The following FGD3 variants were observed in gnomAD, a reference collection of about 807,000 sequenced individuals.
The protein encoded by FGD3 is FYVE, RhoGEF and PH domain-containing protein 3.
FGD3 carries 45 observed loss-of-function variants against 71.8 expected under a neutral mutation model. The ratio of observed to expected loss-of-function variants is 0.63; its 90% confidence interval spans 0.49 to 0.80. FGD3 has a LOEUF of 0.80. Ranked by LOEUF, FGD3 falls within the 30% of genes least tolerant of loss-of-function variation. The pLI, the probability that FGD3 is intolerant of heterozygous loss-of-function variation, is 0.00. For missense variants in FGD3, 844 were observed against 951.5 expected, an observed-to-expected ratio of 0.89 and a Z score of 1.49; for synonymous variants, 378 against 392.8, an observed-to-expected ratio of 0.96 and a Z score of 0.44.
intron 3 of FGD3, among the ~76,000 whole-genome samples, chr9:92,980,966 A>G (rs1044268408): frequency 1.3e-5 from 2 of 149,472 alleles, no homozygotes; most frequent in African/African-American, 4.9e-5. Flanking sequence ...GCAAGACTCC[A>G]TCTCAAAAAA....
At chr9:93,007,465 C>T (rs1288359973) in intron 6 of FGD3, among the ~76,000 whole-genome samples, 2 of 152,206 alleles carry the variant, frequency 1.3e-5, no homozygotes, top group Non-Finnish European at 2.9e-5. Flanking sequence ...GCATTTCCCA[C>T]TACCCAAGAC....
At chr9:93,023,765 T>G (rs575786264) in intron 14 of FGD3, among the ~76,000 whole-genome samples, 2 of 150,252 alleles carry the variant, frequency 1.3e-5, no homozygotes, top group African/African-American at 4.9e-5. Context: ...GATAAAAATG[T>G]CTCAATGACA....
At chr9:93,030,740 T>G (rs1862322981) in intron 15 of FGD3, among the ~76,000 whole-genome samples, 1 of 147,414 alleles carries the variant, frequency 6.8e-6, no homozygotes, top group African/African-American at 2.5e-5. Context: ...AATAAGTAGA[T>G]GAGTCCTTGG....
chr9:93,015,810 TG>T lies in FGD3; in HGVS notation c.1258del (p.Asp420ThrfsTer21). 1 of 1,614,114 alleles carries T rather than the reference TG, an allele frequency of 6.2e-7. No homozygotes were observed. The highest frequency in any genetic ancestry group is 8.5e-7 in the Non-Finnish European group (1 of 1,180,004). On this transcript the variant is annotated frameshift_variant, in exon 10 of 18. Coordinates refer to ENST00000375482, the MANE Select transcript of FGD3 (RefSeq NM_001083536.2). LOFTEE classifies it high-confidence loss of function. ...CAGAAGTTCAGCGTCCGGGAGAAGA[TG>T]GACATCTCAGGCCTCCAGGTGGGTG... The part of the protein sequence containing the change: ...MGQKFSVREK[M>X]DISGLQVQDI...
At chr9:92,961,597 A>C (rs181354878) in intron 1 of FGD3, among the ~76,000 whole-genome samples, 89 of 152,268 alleles carry the variant, frequency 5.8e-4, no homozygotes, top group Middle Eastern at 3.4e-3. Flanking sequence ...CATCACTTTA[A>C]AACAATAGGA....
rs375889528 is a variant in FGD3, at chr9:93,035,391, G to C, written c.1980G>C (p.Pro660=). The change falls in exon 18 of 18, where the codon CCG becomes CCC. Residue 660 remains proline, a synonymous_variant. Coordinates refer to ENST00000375482, the MANE Select transcript of FGD3 (RefSeq NM_001083536.2). The part of the protein sequence containing the change: ...IPLPSCKLSV[P]DPEERLDSGH... The stretch of plus-strand genomic sequence containing the variant: ...TCCCCAGCTGCAAACTGAGTGTGCC[G>C]GACCCTGAGGAGAGGCTGGACTCGG... 6.2e-7 allele frequency: 1 copy of C among 1,610,854 alleles called. No homozygotes were observed. The highest frequency in any genetic ancestry group is 8.5e-7 in the Non-Finnish European group (1 of 1,178,816).
chr9:92,955,945 T>G (rs559381758), intron 1 of FGD3, among the ~76,000 whole-genome samples: 1 of 152,362 alleles, frequency 6.6e-6, no homozygotes, highest in African/African-American at 2.4e-5. Context: ...TGTTTCCTTG[T>G]TATTGCTGAG....
At chr9:93,034,444 C>A in intron 16 of FGD3, 97 bp from the exon 17 acceptor site, 1 of 1,449,342 alleles carries the variant, frequency 6.9e-7, no homozygotes, top group Non-Finnish European at 9.2e-7. Context: ...CAGCCAGCTC[C>A]CCCCAAGCAG....
At chr9:93,034,477 T>G (rs1292873188) in intron 16 of FGD3, 64 bp from the exon 17 acceptor site, 2 of 1,511,212 alleles carry the variant, frequency 1.3e-6, no homozygotes, top group Non-Finnish European at 1.8e-6. Flanking sequence ...TACCCCAGCC[T>G]CCTCAGAACA....
At chr9:92,988,469 C>T (rs146626503) in intron 3 of FGD3, among the ~76,000 whole-genome samples, 7 of 152,338 alleles carry the variant, frequency 4.6e-5, no homozygotes, top group African/African-American at 1.2e-4. Flanking sequence ...AAGACCATCA[C>T]CTGATGATGG....
chr9:92,966,495 A>G (rs1587815576), intron 1 of FGD3, among the ~76,000 whole-genome samples: 1 of 152,106 alleles, frequency 6.6e-6, no homozygotes, highest in South Asian at 2.1e-4. Context: ...GCCCTCCAGG[A>G]CCCCCTGCTC....
At chr9:93,005,935 C>G (rs1230079608) in intron 5 of FGD3, 89 bp from the exon 6 acceptor site, 3 of 1,456,362 alleles carry the variant, frequency 2.1e-6, no homozygotes, top group Non-Finnish European at 2.8e-6. Flanking sequence ...GGCCTCCACC[C>G]CACACCCCCC....
chr9:93,011,171 G>C (rs750328350), intron 7 of FGD3, 43 bp from the exon 8 acceptor site: 3 of 1,610,164 alleles, frequency 1.9e-6, no homozygotes, highest in South Asian at 2.2e-5. Context: ...AGCAAAAACG[G>C]AGCCACCGTG....
chr9:93,018,993 C>T (rs1350013923), intron 11 of FGD3, among the ~76,000 whole-genome samples: 11 of 152,046 alleles, frequency 7.2e-5, no homozygotes, highest in Non-Finnish European at 1.3e-4. Context: ...TTACAGGCAC[C>T]CGCCACCACG....
intron 3 of FGD3, among the ~76,000 whole-genome samples, chr9:92,986,705 G>A (rs757388232): frequency 1.2e-4 from 18 of 152,200 alleles, no homozygotes; most frequent in Non-Finnish European, 1.9e-4. Context: ...CCCTGTGCCC[G>A]CAGACAAACT....
chr9:92,979,470 A>G (rs1035694744), intron 3 of FGD3, among the ~76,000 whole-genome samples: 1 of 152,116 alleles, frequency 6.6e-6, no homozygotes, highest in African/African-American at 2.4e-5. Flanking sequence ...GGTCATGGTG[A>G]TTAATCCTTT....
rs573633042 is a variant in FGD3, at chr9:92,958,709, G to C, written c.-218+10980G>C. On this transcript the variant is annotated intron_variant, in intron 1 of 17. Coordinates refer to ENST00000375482, the MANE Select transcript of FGD3 (RefSeq NM_001083536.2). Reference sequence around the variant, plus strand: ...TTACAGTTTTAGCATTCACAATTAAGGTTTGGATTCATTTCTAGCTATTTT... The same window carrying C: ...TTACAGTTTTAGCATTCACAATTAACGTTTGGATTCATTTCTAGCTATTTT... 2.3e-4 allele frequency among the ~76,000 whole-genome samples: 35 copies of C among 152,258 alleles called. No individual in the cohort carries two copies. The South Asian group carries it at 3.7e-3, about 16-fold the overall frequency.
chr9:93,012,364 A>T (rs932818942), intron 8 of FGD3, among the ~76,000 whole-genome samples: 1 of 152,092 alleles, frequency 6.6e-6, no homozygotes, highest in African/African-American at 2.4e-5. Context: ...GAGCTGCAAC[A>T]TGTCCAGGGT....
In FGD3 at chr9:93,023,565, G is replaced by A. The variant is rs146209237; in HGVS notation, c.1557+1176G>A. Among the ~76,000 whole-genome samples the A allele has an allele frequency of 3.2e-3, 493 of 152,186 alleles. 3 individuals are homozygous for A. The highest frequency in any genetic ancestry group is 0.011 in the African/African-American group (455 of 41,532). ...GGGGTGGGCAGCTTGGGGGAAAGTG[G>A]TGCCCTGGCCTCCTAGGAGAGAATC... is the stretch of plus-strand genomic sequence containing the variant. On this transcript the variant is annotated intron_variant, in intron 14 of 17. Coordinates refer to ENST00000375482, the MANE Select transcript of FGD3 (RefSeq NM_001083536.2).
Sources: allele counts gnomAD v4.1 joint callset (sites outside exome capture counted in the v4.1 genomes callset), GRCh38; gene constraint gnomAD v4.1.1; transcripts MANE v1.5; gene names NCBI Gene and HGNC (gene_info 2026-07-23, HGNC 2026-07-21).